Variants in BABAM2 observed in about 807,000 individuals in gnomAD.
The protein encoded by BABAM2 is BRISC and BRCA1-A complex member 2.
In BABAM2, 31 loss-of-function variants were observed where a neutral mutation model predicts 54.7. That is an observed-to-expected ratio of 0.57 (90% CI 0.43 to 0.77). The LOEUF (loss-of-function observed/expected upper bound fraction) is 0.77. Among genes scored for constraint, BABAM2 ranks in the 30% least tolerant of loss-of-function variants. BABAM2 has a pLI of 0.00. For synonymous variants in BABAM2, 167 were observed against 162.9 expected, an observed-to-expected ratio of 1.03 and a Z score of -0.19; for missense variants, 364 against 455.8, an observed-to-expected ratio of 0.80 and a Z score of 1.83.
chr2:28,188,786 A>C (rs1445113310), intron 7 of BABAM2, among the ~76,000 whole-genome samples: 1 of 152,232 alleles, frequency 6.6e-6, no homozygotes, highest in Non-Finnish European at 1.5e-5. Flanking sequence ...CCTAAGCTAC[A>C]GTTGAACACA....
chr2:27,987,058 T>A (rs1672448163), intron 3 of BABAM2, among the ~76,000 whole-genome samples: 1 of 152,180 alleles, frequency 6.6e-6, no homozygotes, highest in Non-Finnish European at 1.5e-5. Flanking sequence ...TTATCACATG[T>A]TGAGAACTTA....
intron 9 of BABAM2, among the ~76,000 whole-genome samples, chr2:28,241,894 T>G (rs1682480024): frequency 6.9e-6 from 1 of 145,548 alleles, no homozygotes; most frequent in Non-Finnish European, 1.5e-5. Flanking sequence ...CGGTACTCTT[T>G]GGCAAATAGT....
At chr2:28,183,746 C>CACAGACAT (rs1558414896) in intron 7 of BABAM2, among the ~76,000 whole-genome samples, 3 of 149,904 alleles carry the variant, frequency 2.0e-5, no homozygotes, top group Non-Finnish European at 4.4e-5. Context: ...AGATCACACA[C>CACAGACAT]ACACACACAC....
chr2:28,271,352 C>G (rs1423978055), intron 10 of BABAM2, among the ~76,000 whole-genome samples: 1 of 152,210 alleles, frequency 6.6e-6, no homozygotes, highest in East Asian at 1.9e-4. Flanking sequence ...CTGCTGCACC[C>G]TGGATTTGTT....
At chr2:27,904,504 C>G (rs779106851) in intron 2 of BABAM2, among the ~76,000 whole-genome samples, 33 of 152,112 alleles carry the variant, frequency 2.2e-4, no homozygotes, top group Non-Finnish European at 3.7e-4. Context: ...GAAGCTCAGT[C>G]GTTGACAACA....
At chr2:27,957,218 G>A (rs1670153136) in intron 3 of BABAM2, among the ~76,000 whole-genome samples, 1 of 152,098 alleles carries the variant, frequency 6.6e-6, no homozygotes, top group African/African-American at 2.4e-5. Flanking sequence ...GCAATTGCAG[G>A]GATGACAATC....
At chr2:28,049,051 A>G (rs906963933) in intron 6 of BABAM2, among the ~76,000 whole-genome samples, 7 of 152,248 alleles carry the variant, frequency 4.6e-5, no homozygotes, top group African/African-American at 1.4e-4. Flanking sequence ...TGAATTGTCT[A>G]CTAACATTTT....
chr2:28,152,399 G>C (rs1404310559), intron 7 of BABAM2, among the ~76,000 whole-genome samples: 1 of 152,086 alleles, frequency 6.6e-6, no homozygotes, highest in Non-Finnish European at 1.5e-5. Flanking sequence ...CCCTTTCCCA[G>C]GGAAGAGTTC....
chr2:28,111,155 T>G (rs990960502), intron 6 of BABAM2, among the ~76,000 whole-genome samples: 1 of 143,670 alleles, frequency 7.0e-6, no homozygotes, highest in Non-Finnish European at 1.5e-5. Context: ...TTTTTGTATT[T>G]TTTTTTTAGT....
chr2:28,093,325 A>C (rs191540473), intron 6 of BABAM2, among the ~76,000 whole-genome samples: 31 of 152,314 alleles, frequency 2.0e-4, no homozygotes, highest in Admixed American at 1.9e-3. Context: ...GGGGAGGCTG[A>C]GAAAAGTTAA....
intron 7 of BABAM2, among the ~76,000 whole-genome samples, chr2:28,133,919 G>A (rs986357501): frequency 3.3e-5 from 5 of 152,160 alleles, no homozygotes; most frequent in African/African-American, 4.8e-5. Context: ...GCCCAGGGTC[G>A]TGGAATAGTT....
intron 7 of BABAM2, among the ~76,000 whole-genome samples, chr2:28,194,938 C>T (rs1433286899): frequency 6.6e-6 from 1 of 152,130 alleles, no homozygotes; most frequent in Non-Finnish European, 1.5e-5. Flanking sequence ...TCACGTGATC[C>T]ACCTGCCTCC....
intron 5 of BABAM2, among the ~76,000 whole-genome samples, chr2:28,031,115 G>C (rs1676262904): frequency 6.6e-6 from 1 of 152,174 alleles, no homozygotes. Flanking sequence ...GACAAACTTA[G>C]TTTACTTCTT....
intron 6 of BABAM2, among the ~76,000 whole-genome samples, chr2:28,090,405 C>T (rs1033496005): frequency 5.3e-5 from 8 of 152,146 alleles, no homozygotes; most frequent in South Asian, 2.1e-4. Flanking sequence ...CCACCACACC[C>T]GGCTAAGTTT....
chr2:28,261,279 A>G lies in BABAM2; in HGVS notation c.934+16417A>G, dbSNP rs1036342862. Among the ~76,000 whole-genome samples the G allele has an allele frequency of 1.1e-3, 168 of 151,694 alleles. 1 individual carries two copies. Among genetic ancestry groups the G allele is most frequent in the African/African-American group, 3.9e-3 (161 of 41,320 alleles). On this transcript the variant is annotated intron_variant, in intron 10 of 11. Transcript: ENST00000379624. ...TTTTCAAATTGCTAATTGTTAATATATAGAAATATAATTGATTTTGTGTAT... is the reference window on the plus strand; with the variant it reads ...TTTTCAAATTGCTAATTGTTAATATGTAGAAATATAATTGATTTTGTGTAT...
intron 4 of BABAM2, among the ~76,000 whole-genome samples, chr2:28,018,678 T>C (rs1046355554): frequency 1.4e-4 from 22 of 152,174 alleles, no homozygotes; most frequent in Non-Finnish European, 1.9e-4. Flanking sequence ...CATCTGTTAT[T>C]TTTTGATTTT....
intron 7 of BABAM2, among the ~76,000 whole-genome samples, chr2:28,147,267 C>G (rs2147764982): frequency 6.6e-6 from 1 of 152,268 alleles, no homozygotes; most frequent in African/African-American, 2.4e-5. Flanking sequence ...AAGTTGCTTC[C>G]TTCTTCATTT....
intron 3 of BABAM2, among the ~76,000 whole-genome samples, chr2:27,955,985 T>TC (rs1381661606): frequency 6.6e-6 from 1 of 151,678 alleles, no homozygotes; most frequent in Non-Finnish European, 1.5e-5. Context: ...CAACATGTTT[T>TC]TTTTTTCCTG....
chr2:27,969,032 G>A (rs555351632), intron 3 of BABAM2, among the ~76,000 whole-genome samples: 1 of 152,258 alleles, frequency 6.6e-6, no homozygotes, highest in East Asian at 1.9e-4. Context: ...GGTACACAGT[G>A]GGAGGTAATT....
Sources: gnomAD v4.1 joint callset for allele counts (sites outside exome capture counted in the v4.1 genomes callset) on GRCh38, gnomAD v4.1.1 for gene constraint, MANE v1.5 for transcripts, NCBI Gene and HGNC (gene_info 2026-07-23, HGNC 2026-07-21) for gene names.